The following NOS1AP variants were observed in gnomAD, a reference collection of about 807,000 sequenced individuals.
NOS1AP encodes the protein carboxyl-terminal PDZ ligand of neuronal nitric oxide synthase protein.
In NOS1AP, 21 loss-of-function variants were observed where a neutral mutation model predicts 56.2. That is an observed-to-expected ratio of 0.37 (90% CI 0.26 to 0.54). NOS1AP has a LOEUF of 0.54. Ranked by LOEUF, NOS1AP falls within the 20% of genes least tolerant of loss-of-function variation. NOS1AP has a pLI of 0.84. For missense variants in NOS1AP, 522 were observed against 657.8 expected (o/e 0.79, Z 2.26); for synonymous variants, 270 against 274.6 (o/e 0.98, Z 0.17).
intron 1 of NOS1AP, among the ~76,000 whole-genome samples, chr1:162,087,990 T>G (rs1436056530): frequency 6.6e-6 from 1 of 152,112 alleles, no homozygotes; most frequent in Non-Finnish European, 1.5e-5. Flanking sequence ...AAAAAATCCT[T>G]TAAAGTCTAG....
intron 4 of NOS1AP, among the ~76,000 whole-genome samples, chr1:162,312,771 G>A (rs1179076776): frequency 6.6e-6 from 1 of 152,078 alleles, no homozygotes; most frequent in African/African-American, 2.4e-5. Context: ...ACGTCAAAAA[G>A]CTTATCCACC....
intron 2 of NOS1AP, among the ~76,000 whole-genome samples, chr1:162,214,758 A>G (rs1296163136): frequency 1.3e-5 from 2 of 151,968 alleles, no homozygotes; most frequent in Admixed American, 1.3e-4. Flanking sequence ...TATTTGGCCT[A>G]ATTTTCGGTC....
intron 2 of NOS1AP, among the ~76,000 whole-genome samples, chr1:162,240,244 A>AGTGTGT (rs5778260): frequency 0.14 from 19,514 of 141,124 alleles, 1,630 homozygotes; most frequent in East Asian, 0.32. Context: ...CTGTGTGGCC[A>AGTGTGT]GTGTGTGTGT....
chr1:162,314,217 G>A (rs922502641), intron 4 of NOS1AP, among the ~76,000 whole-genome samples: 2 of 152,224 alleles, frequency 1.3e-5, no homozygotes, highest in Non-Finnish European at 2.9e-5. Context: ...TCATGAGAGA[G>A]CCCATAGACC....
chr1:162,326,051 C>T (rs982159492), intron 4 of NOS1AP, among the ~76,000 whole-genome samples: 1 of 152,212 alleles, frequency 6.6e-6, no homozygotes, highest in Non-Finnish European at 1.5e-5. Context: ...GTTGTCGCAT[C>T]TGAACCTTAT....
chr1:162,175,142 T>C (rs549039137), intron 2 of NOS1AP, among the ~76,000 whole-genome samples: 2 of 151,352 alleles, frequency 1.3e-5, no homozygotes, highest in East Asian at 3.9e-4. Context: ...TTCCATGAAG[T>C]ACTTTTTGGG....
intron 2 of NOS1AP, among the ~76,000 whole-genome samples, chr1:162,211,701 C>G (rs752438446): frequency 3.3e-5 from 5 of 151,988 alleles, no homozygotes; most frequent in Non-Finnish European, 7.4e-5. Context: ...TTTTTCTTGA[C>G]TGTTTGAGAC....
intron 1 of NOS1AP, among the ~76,000 whole-genome samples, chr1:162,127,496 A>G (rs962927543): frequency 6.6e-6 from 1 of 152,050 alleles, no homozygotes; most frequent in Non-Finnish European, 1.5e-5. Context: ...TTGCATTGCC[A>G]TAAAGAAATA....
intron 2 of NOS1AP, among the ~76,000 whole-genome samples, chr1:162,286,180 T>G (rs1333410164): frequency 6.6e-6 from 1 of 152,214 alleles, no homozygotes; most frequent in Non-Finnish European, 1.5e-5. Flanking sequence ...TAGGCTATGT[T>G]TTTATCTCAT....
chr1:162,251,227 C>T (rs1653835868), intron 2 of NOS1AP, among the ~76,000 whole-genome samples: 1 of 152,120 alleles, frequency 6.6e-6, no homozygotes, highest in African/African-American at 2.4e-5. Flanking sequence ...TGGTGTCATG[C>T]CATCTTTGGC....
At chr1:162,307,907 T>G (rs1354555169) in intron 4 of NOS1AP, among the ~76,000 whole-genome samples, 2 of 152,148 alleles carry the variant, frequency 1.3e-5, no homozygotes, top group Non-Finnish European at 2.9e-5. Context: ...GTTAAATTAT[T>G]CAGGGCTAAC....
intron 2 of NOS1AP, among the ~76,000 whole-genome samples, chr1:162,239,001 A>G (rs916398446): frequency 1.3e-4 from 20 of 152,262 alleles, no homozygotes; most frequent in Non-Finnish European, 2.9e-4. Flanking sequence ...CCTAGAGGAA[A>G]GACCTCCAAT....
At chr1:162,229,973 A>G (rs1197183025) in intron 2 of NOS1AP, among the ~76,000 whole-genome samples, 1 of 152,144 alleles carries the variant, frequency 6.6e-6, no homozygotes, top group Admixed American at 6.5e-5. Context: ...TAGTATGAAG[A>G]ATTATTAACT....
At chr1:162,179,463 C>T (rs1651176377) in intron 2 of NOS1AP, among the ~76,000 whole-genome samples, 1 of 152,178 alleles carries the variant, frequency 6.6e-6, no homozygotes, top group South Asian at 2.1e-4. Flanking sequence ...TTCTCTGGTA[C>T]TGCTAAAGAC....
intron 2 of NOS1AP, among the ~76,000 whole-genome samples, chr1:162,263,202 C>G (rs1422027416): frequency 6.6e-6 from 1 of 152,166 alleles, no homozygotes; most frequent in African/African-American, 2.4e-5. Flanking sequence ...TTTTGTGCTG[C>G]TATAACAGAA....
intron 2 of NOS1AP, among the ~76,000 whole-genome samples, chr1:162,199,406 G>C (rs1651911597): frequency 6.6e-6 from 1 of 152,178 alleles, no homozygotes; most frequent in South Asian, 2.1e-4. Context: ...ATAAATAGCA[G>C]GAAACTGACA....
rs1557853968 is a variant in NOS1AP, at chr1:162,261,529, A to AAGAGAG, written c.178-25815_178-25814insAGAGAG. ...GAGAGAGAGAGAGAGAGAGAGAGAG[A>AAGAGAG]GAGAGAGAGAGAGAGAGCAATGAAA... On this transcript the variant is annotated intron_variant, in intron 2 of 9. Coordinates refer to ENST00000361897, the MANE Select transcript of NOS1AP (RefSeq NM_014697.3). Among the ~76,000 whole-genome samples, 6 of 43,492 alleles carry AAGAGAG rather than the reference A, an allele frequency of 1.4e-4. 3 individuals carry two copies. Among genetic ancestry groups the AAGAGAG allele is most frequent in the Non-Finnish European group, 2.6e-4 (4 of 15,146 alleles). 28.5% of individuals were successfully genotyped at this position (43,492 alleles called of 152,430 possible).
At chr1:162,170,114 T>TA (rs1650693503) in intron 2 of NOS1AP, among the ~76,000 whole-genome samples, 1 of 152,254 alleles carries the variant, frequency 6.6e-6, no homozygotes, top group Non-Finnish European at 1.5e-5. Flanking sequence ...TAATTGTTTT[T>TA]ATGATTGTTG....
At position 162,365,502 on chromosome 1, in the gene NOS1AP, C is replaced by G. The variant is rs938547463; in HGVS notation, c.1038C>G (p.Leu346=). The G allele has an allele frequency of 1.2e-6, 2 of 1,613,744 alleles. No homozygotes were observed. The highest frequency in any genetic ancestry group is 2.7e-5 in the African/African-American group (2 of 74,940). Residue 346 remains leucine, a synonymous_variant, in exon 9 of 10, where the codon CTC becomes CTG. Coordinates refer to ENST00000361897, the MANE Select transcript of NOS1AP (RefSeq NM_014697.3). Reference sequence around the variant, plus strand: ...TTTTGCTGCAGAACAAGGACATGCTCCAGCACATCTCCCTGCTGGTCAAGC... The same window carrying G: ...TTTTGCTGCAGAACAAGGACATGCTGCAGCACATCTCCCTGCTGGTCAAGC... ...HQLLLQNKDM[L]QHISLLVKQV...
Sources: allele counts gnomAD v4.1 joint callset (sites outside exome capture counted in the v4.1 genomes callset), GRCh38; gene constraint gnomAD v4.1.1; transcripts MANE v1.5; gene names NCBI Gene and HGNC (gene_info 2026-07-23, HGNC 2026-07-21).